ROR1: variants seen among roughly 807,000 people sequenced by gnomAD.
ROR1 encodes inactive tyrosine-protein kinase transmembrane receptor ROR1.
Under a neutral mutation model 78.8 loss-of-function variants are expected in ROR1, and 19 were observed. The ratio of observed to expected loss-of-function variants is 0.24; its 90% CI spans 0.17 to 0.35. The LOEUF (loss-of-function observed/expected upper bound fraction) is 0.35. Among genes scored for constraint, ROR1 ranks in the 10% least tolerant of loss-of-function variants. The pLI is 1.00. For missense variants in ROR1, 917 were observed against 1,177.8 expected, an observed-to-expected ratio of 0.78 and a Z score of 3.24; for synonymous variants, 386 against 433.6, an observed-to-expected ratio of 0.89 and a Z score of 1.36.
intron 2 of ROR1, among the ~76,000 whole-genome samples, chr1:64,019,725 G>C (rs1646549182): frequency 6.6e-6 from 1 of 152,220 alleles, no homozygotes; most frequent in South Asian, 2.1e-4. Context: ...AAAATTCTGA[G>C]ATACTGTGAC....
chr1:64,067,087 C>G (rs943722697), intron 4 of ROR1, among the ~76,000 whole-genome samples: 20 of 152,028 alleles, frequency 1.3e-4, no homozygotes, highest in Admixed American at 3.9e-4. Flanking sequence ...CAGTGGCTCA[C>G]GCCTGTTATC....
chr1:64,115,174 T>A (rs536427384), intron 4 of ROR1, among the ~76,000 whole-genome samples: 1 of 152,068 alleles, frequency 6.6e-6, no homozygotes, highest in South Asian at 2.1e-4. Flanking sequence ...CAGTTTCACA[T>A]CTGGTACCTT....
At chr1:63,809,173 C>A (rs1175401058) in intron 1 of ROR1, among the ~76,000 whole-genome samples, 1 of 152,112 alleles carries the variant, frequency 6.6e-6, no homozygotes, top group African/African-American at 2.4e-5. Context: ...AGTGTCAGGG[C>A]AGTCAGAAAC....
At chr1:63,816,829 G>C (rs372077932) in intron 1 of ROR1, among the ~76,000 whole-genome samples, 2 of 152,238 alleles carry the variant, frequency 1.3e-5, no homozygotes, top group Admixed American at 1.3e-4. Flanking sequence ...TAAGGATTGC[G>C]TGTGCTCATG....
In ROR1 at chr1:63,926,391, A is replaced by G. The variant is rs190390732; in HGVS notation, c.92-82914A>G. Reference sequence around the variant, plus strand: ...TGATCTATATCTCTGTTTTGGTACCAGTACCATGCTGTTACTGTAGCCTTG... The same window carrying G: ...TGATCTATATCTCTGTTTTGGTACCGGTACCATGCTGTTACTGTAGCCTTG... On this transcript the variant is annotated intron_variant, in intron 1 of 8. Transcript: ENST00000371079. Among the ~76,000 whole-genome samples the G allele has an allele frequency of 5.0e-3, 763 of 152,322 alleles. 12 individuals are homozygous for G. The highest frequency in any genetic ancestry group is 0.018 in the African/African-American group (737 of 41,568).
intron 1 of ROR1, among the ~76,000 whole-genome samples, chr1:63,888,733 TATTA>T (rs1240682183): frequency 1.3e-5 from 2 of 152,160 alleles, no homozygotes; most frequent in Admixed American, 6.5e-5. Flanking sequence ...TAAAGTGAAA[TATTA>T]ATTGATATAA....
At chr1:64,090,777 G>T (rs1647189350) in intron 4 of ROR1, among the ~76,000 whole-genome samples, 1 of 152,120 alleles carries the variant, frequency 6.6e-6, no homozygotes, top group African/African-American at 2.4e-5. Flanking sequence ...GAGATGGGGA[G>T]GGAAGCTATT....
At chr1:63,959,092 G>A (rs924162074) in intron 1 of ROR1, among the ~76,000 whole-genome samples, 1 of 152,150 alleles carries the variant, frequency 6.6e-6, no homozygotes, top group Non-Finnish European at 1.5e-5. Context: ...TGGCTTAGGA[G>A]GCCTCAGGAA....
intron 2 of ROR1, among the ~76,000 whole-genome samples, chr1:64,046,249 A>T (rs1646782294): frequency 6.6e-6 from 1 of 152,124 alleles, no homozygotes; most frequent in Non-Finnish European, 1.5e-5. Flanking sequence ...GTCTAGTGTG[A>T]ATTCCCTCTG....
chr1:64,178,981 G>T lies in ROR1; in HGVS notation c.*126G>T. On this transcript the variant is annotated 3_prime_UTR_variant, in exon 9 of 9. Coordinates refer to ENST00000371079, the MANE Select transcript of ROR1 (RefSeq NM_005012.4). The surrounding 1 kb of genome is among the most constrained non-coding windows in gnomAD (Gnocchi z 4.3). The stretch of plus-strand genomic sequence containing the variant: ...AGACATCGCAACAAGTACCTTCTGT[G>T]AAGTTTCACTGTGTCTTACCAAGCA... The T allele has an allele frequency of 2.3e-6, 1 of 441,858 alleles. No individual in the cohort carries two copies. Among genetic ancestry groups the T allele is most frequent in the Non-Finnish European group, 3.9e-6 (1 of 255,446 alleles). The allele number at this position is 441,858 out of a possible 1,614,324, so 27.4% of individuals were successfully genotyped here. A position where few individuals can be genotyped will look rare whatever the true frequency, so the allele number is the denominator to read the frequency against.
intron 1 of ROR1, among the ~76,000 whole-genome samples, chr1:63,924,235 T>C (rs1645680673): frequency 6.6e-6 from 1 of 152,164 alleles, no homozygotes; most frequent in Non-Finnish European, 1.5e-5. Context: ...ACTTGAAGTT[T>C]TCTCATGTAT....
intron 1 of ROR1, among the ~76,000 whole-genome samples, chr1:63,851,346 T>C (rs953787309): frequency 2.6e-5 from 4 of 152,224 alleles, no homozygotes. Context: ...GAGCAGATTT[T>C]CTTTTCTGCT....
chr1:64,012,411 G>T (rs1198189918), intron 2 of ROR1, among the ~76,000 whole-genome samples: 1 of 152,132 alleles, frequency 6.6e-6, no homozygotes, highest in African/African-American at 2.4e-5. Context: ...CTCAGGTATT[G>T]CACAAGCCAC....
At chr1:63,996,664 C>G (rs752441842) in intron 1 of ROR1, among the ~76,000 whole-genome samples, 1 of 152,182 alleles carries the variant, frequency 6.6e-6, no homozygotes, top group Non-Finnish European at 1.5e-5. Flanking sequence ...ATAAATCACA[C>G]TTTTAATATA....
chr1:63,924,040 G>T (rs866278519), intron 1 of ROR1, among the ~76,000 whole-genome samples: 2 of 152,092 alleles, frequency 1.3e-5, no homozygotes, highest in South Asian at 2.1e-4. Flanking sequence ...AGACTATAAA[G>T]CTAGCAACCT....
rs116854682 is a variant in ROR1, at chr1:63,919,775, C to A, written c.92-89530C>A. 8.7e-4 allele frequency among the ~76,000 whole-genome samples: 132 copies of A among 152,266 alleles called. 3 individuals carry two copies. In the East Asian group the frequency reaches 0.024, roughly 28 times the overall value. On this transcript the variant is annotated intron_variant, in intron 1 of 8. Coordinates refer to ENST00000371079, the MANE Select transcript of ROR1 (RefSeq NM_005012.4). ...ATTAATGCACCTAAAGCATTTAGCA[C>A]AGCTGTCAGCACTTATTGAGTATTG...
intron 4 of ROR1, among the ~76,000 whole-genome samples, chr1:64,056,174 C>A (rs928712821): frequency 6.6e-6 from 1 of 152,128 alleles, no homozygotes; most frequent in Non-Finnish European, 1.5e-5. Context: ...GTTTTCAATT[C>A]TCTTGGGTAT....
chr1:64,064,725 C>CAAAG (rs1646943363), intron 4 of ROR1, among the ~76,000 whole-genome samples: 1 of 152,124 alleles, frequency 6.6e-6, no homozygotes, highest in African/African-American at 2.4e-5. Flanking sequence ...AGGCCTGGAG[C>CAAAG]AAAGGTCAAG....
chr1:64,036,542 T>C (rs1052913017), intron 2 of ROR1, among the ~76,000 whole-genome samples: 3 of 152,180 alleles, frequency 2.0e-5, no homozygotes, highest in South Asian at 2.1e-4. Flanking sequence ...TGATAATCCA[T>C]GTTCATATTG....
Sources: gnomAD v4.1 joint callset for allele counts (sites outside exome capture counted in the v4.1 genomes callset) on GRCh38, gnomAD v4.1.1 for gene constraint, Gnocchi (gnomAD v3.1) non-coding constraint, MANE v1.5 for transcripts, NCBI Gene and HGNC (gene_info 2026-07-23, HGNC 2026-07-21) for gene names.